Variants in NAV2 observed in about 807,000 individuals in gnomAD.
NAV2 encodes the protein helicase, APC down-regulated 1.
A neutral mutation model predicts 223.2 loss-of-function variants in NAV2; 54 were observed. That is an observed-to-expected ratio of 0.24 (90% CI 0.19 to 0.30). The LOEUF (loss-of-function observed/expected upper bound fraction) is 0.30, where lower values mean the gene tolerates loss of function less well. Among genes scored for constraint, NAV2 ranks in the 10% least tolerant of loss-of-function variants. The probability of loss-of-function intolerance (pLI) is 1.00; values close to 1 mark genes in which losing one functional copy is unlikely to be tolerated. For missense variants in NAV2, 2,806 were observed against 3,147.5 expected, an observed-to-expected ratio of 0.89 and a Z score of 2.60; for synonymous variants, 1,279 against 1,239.3, an observed-to-expected ratio of 1.03 and a Z score of -0.67.
intron 6 of NAV2, among the ~76,000 whole-genome samples, chr11:19,928,003 A>C (rs2044944113): frequency 1.3e-5 from 2 of 152,238 alleles, no homozygotes; most frequent in South Asian, 4.1e-4. Flanking sequence ...GAAATAAATA[A>C]AGCTCTAAAA....
In NAV2 at chr11:20,005,253, A is replaced by ATATATATTTT. The variant is rs1277010848; in HGVS notation, c.2768+21007_2768+21008insATATATTTTT. On this transcript the variant is annotated intron_variant, in intron 11 of 37. Coordinates refer to ENST00000349880, the MANE Select transcript of NAV2 (RefSeq NM_145117.5). ...GAGTTTTAATCATATATATATATATATTTTTTTTTTTTTTTGAGATGGAGT... is the reference window on the plus strand; with the variant it reads ...GAGTTTTAATCATATATATATATATATATATATTTTTTTTTTTTTTTTTTTGAGATGGAGT... 1.0e-3 allele frequency among the ~76,000 whole-genome samples: 135 copies of ATATATATTTT among 134,532 alleles called. 1 individual carries two copies. Among genetic ancestry groups the ATATATATTTT allele is most frequent in the Admixed American group, 3.7e-3 (50 of 13,456 alleles). The allele number at this position is 134,532 out of a possible 152,430, so 88.3% of individuals were successfully genotyped here.
rs1285328722 is a variant in NAV2, at chr11:19,554,215, A to C, written c.75+203188A>C. Among the ~76,000 whole-genome samples, 3 of 152,236 alleles carry C rather than the reference A, an allele frequency of 2.0e-5. No individual in the cohort carries two copies. The East Asian group carries it at 5.8e-4, about 29-fold the overall frequency. On this transcript the variant is annotated intron_variant, in intron 1 of 37. Coordinates refer to the NAV2 transcript ENST00000360655. ...TTACTTTATTCAGAAAGCAACTCTG[A>C]TAATTAGAATTTAGAATTTTAATTT...
chr11:19,879,408 G>A (rs1044733630), intron 4 of NAV2, among the ~76,000 whole-genome samples: 2 of 152,112 alleles, frequency 1.3e-5, no homozygotes, highest in East Asian at 3.9e-4. Flanking sequence ...AGAGTAGGAC[G>A]ACTGGGGAAA....
intron 1 of NAV2, among the ~76,000 whole-genome samples, chr11:19,414,069 A>G (rs1850259920): frequency 6.6e-6 from 1 of 152,218 alleles, no homozygotes; most frequent in Admixed American, 6.5e-5. Context: ...ACACATAACA[A>G]GATTAACCTT....
intron 1 of NAV2, among the ~76,000 whole-genome samples, chr11:19,644,080 G>GCGCACA (rs1565131959): frequency 3.3e-5 from 5 of 151,146 alleles, no homozygotes; most frequent in Admixed American, 2.6e-4. Context: ...GTGTGCATGT[G>GCGCACA]CACACACACA....
intron 11 of NAV2, among the ~76,000 whole-genome samples, chr11:20,024,192 A>G (rs534305939): frequency 6.6e-6 from 1 of 152,344 alleles, no homozygotes; most frequent in East Asian, 1.9e-4. Context: ...CTAGCAGCAC[A>G]GCCTGCCTGG....
At position 19,636,616 on chromosome 11, in the gene NAV2, G is replaced by C. The variant is rs775534760; in HGVS notation, c.76-195868G>C. On this transcript the variant is annotated intron_variant, in intron 1 of 37. Transcript: ENST00000360655. Reference sequence around the variant, plus strand: ...CGCCATTCTCCTGCCTCAGCCTCCCGAGTAACTGGGACTACAGGAGTATTT... The same window carrying C: ...CGCCATTCTCCTGCCTCAGCCTCCCCAGTAACTGGGACTACAGGAGTATTT... Among the ~76,000 whole-genome samples, 100 of 151,444 alleles carry C rather than the reference G, an allele frequency of 6.6e-4. 1 individual carries two copies. Among genetic ancestry groups the C allele is most frequent in the Non-Finnish European group, 1.2e-3 (81 of 67,918 alleles).
chr11:19,749,664 G>A (rs528779209), intron 1 of NAV2, among the ~76,000 whole-genome samples: 30 of 152,338 alleles, frequency 2.0e-4, no homozygotes, highest in African/African-American at 7.0e-4. Flanking sequence ...GAAGGGCTGT[G>A]AATTCTCAGG....
At chr11:19,681,293 T>C (rs955937290) in intron 1 of NAV2, among the ~76,000 whole-genome samples, 3 of 152,230 alleles carry the variant, frequency 2.0e-5, no homozygotes, top group African/African-American at 4.8e-5. Context: ...CATTGAAGTA[T>C]CATCAATTTT....
At position 20,083,195 on chromosome 11, in the gene NAV2, T is replaced by C. The variant is rs80039927; in HGVS notation, c.5498+16T>C. On this transcript the variant is annotated intron_variant, in intron 26 of 37. Coordinates refer to ENST00000349880, the MANE Select transcript of NAV2 (RefSeq NM_145117.5). ...CCAACTCTCTGTAAGTCTGTCTGTC[T>C]AGTCAGATAACATCTTTGGCCCCTG... The C allele has an allele frequency of 1.1e-3, 1,686 of 1,602,800 alleles. 20 individuals are homozygous for C. The African/African-American group carries it at 0.02, about 19-fold the overall frequency.
chr11:19,657,818 G>A (rs2048170167), intron 1 of NAV2, among the ~76,000 whole-genome samples: 1 of 152,166 alleles, frequency 6.6e-6, no homozygotes, highest in Admixed American at 6.5e-5. Context: ...ATCCAGGCAA[G>A]GATCCTTCAC....
chr11:19,613,196 G>T (rs1039450539), intron 1 of NAV2, among the ~76,000 whole-genome samples: 9 of 152,256 alleles, frequency 5.9e-5, no homozygotes, highest in African/African-American at 2.2e-4. Context: ...AATTCTGGGA[G>T]ATGCAATTCA....
In NAV2 at chr11:19,988,241, A is replaced by G. The variant is rs141296980; in HGVS notation, c.2768+3994A>G. ...TGAGCCAGTTAGATGCTCCTCTCGA[A>G]TGTCATCCCAAGATCACATAAACGC... On this transcript the variant is annotated intron_variant, in intron 11 of 37. Coordinates refer to ENST00000349880, the MANE Select transcript of NAV2 (RefSeq NM_145117.5). Among the ~76,000 whole-genome samples the G allele has an allele frequency of 7.9e-5, 12 of 152,314 alleles. 1 individual carries two copies. In the East Asian group the frequency reaches 2.1e-3, roughly 27 times the overall value.
intron 6 of NAV2, among the ~76,000 whole-genome samples, chr11:19,922,262 T>C (rs990792771): frequency 6.6e-6 from 1 of 152,006 alleles, no homozygotes; most frequent in African/African-American, 2.4e-5. Flanking sequence ...TTTTTTTTTT[T>C]CTTTGCCTCC....
At chr11:19,891,347 C>A (rs1002274779) in intron 5 of NAV2, among the ~76,000 whole-genome samples, 3 of 152,282 alleles carry the variant, frequency 2.0e-5, no homozygotes, top group East Asian at 3.9e-4. Flanking sequence ...CATCTTTCAA[C>A]TTTAATTATT....
intron 10 of NAV2, among the ~76,000 whole-genome samples, chr11:19,954,045 A>G (rs1343784781): frequency 6.6e-6 from 1 of 152,194 alleles, no homozygotes; most frequent in Non-Finnish European, 1.5e-5. Flanking sequence ...ACCACACGCT[A>G]TGAAGCTCAA....
At chr11:19,986,898 C>T (rs1025831023) in intron 11 of NAV2, among the ~76,000 whole-genome samples, 7 of 152,126 alleles carry the variant, frequency 4.6e-5, no homozygotes, top group African/African-American at 7.2e-5. Context: ...TTATGTAAAT[C>T]GCAAATTTAG....
chr11:19,900,975 T>C (rs1291342489), intron 6 of NAV2, among the ~76,000 whole-genome samples: 1 of 152,196 alleles, frequency 6.6e-6, no homozygotes, highest in Non-Finnish European at 1.5e-5. Flanking sequence ...ATAGCCCTAA[T>C]GTTGGGAGAA....
intron 5 of NAV2, among the ~76,000 whole-genome samples, chr11:19,880,919 G>T (rs1019034610): frequency 6.6e-6 from 1 of 152,208 alleles, no homozygotes; most frequent in Non-Finnish European, 1.5e-5. Context: ...AGTTCATACT[G>T]TTTTCTTTTA....
Sources: gnomAD v4.1 joint callset for allele counts (sites outside exome capture counted in the v4.1 genomes callset) on GRCh38, gnomAD v4.1.1 for gene constraint, MANE v1.5 for transcripts, NCBI Gene and HGNC (gene_info 2026-07-23, HGNC 2026-07-21) for gene names.